ZNF385D: variants seen among roughly 807,000 people sequenced by gnomAD.
ZNF385D encodes the protein zinc finger protein 659.
Under a neutral mutation model 35.8 loss-of-function variants are expected in ZNF385D, and 15 were observed. The ratio of observed to expected loss-of-function variants is 0.42; its 90% CI spans 0.28 to 0.64. The LOEUF is 0.64. Ranked by LOEUF, ZNF385D falls within the 30% of genes least tolerant of loss-of-function variation. The pLI, the probability that ZNF385D is intolerant of heterozygous loss-of-function variation, is 0.23. For synonymous variants in ZNF385D, 212 were observed against 186.8 expected (o/e 1.13, Z -1.10); for missense variants, 474 against 494.6 (o/e 0.96, Z 0.39).
chr3:21,755,793 A>G (rs1488284085), upstream of ZNF385D, among the ~76,000 whole-genome samples: 1 of 152,212 alleles, frequency 6.6e-6, no homozygotes, highest in Non-Finnish European at 1.5e-5. Flanking sequence ...TTTTGAATAA[A>G]TTTAACATCT....
rs530565444 is a variant in ZNF385D at position 21,749,473 on chromosome 3, G to C, written c.22+1422C>G. Among the ~76,000 whole-genome samples the C allele has an allele frequency of 3.9e-5, 6 of 152,228 alleles. No individual in the cohort carries two copies. The South Asian group carries it at 1.2e-3, about 32-fold the overall frequency. ...ATCCTTCAGTATCATTACTGATGCTGAAATTGTATTTTGTCCAAAAGACCT... is the reference window on the plus strand; with the variant it reads ...ATCCTTCAGTATCATTACTGATGCTCAAATTGTATTTTGTCCAAAAGACCT... On this transcript the variant is annotated intron_variant, in intron 1 of 7. Transcript: ENST00000281523.
chr3:21,919,831 T>C (rs1271190546), intron 3 of ZNF385D, among the ~76,000 whole-genome samples: 1 of 152,214 alleles, frequency 6.6e-6, no homozygotes, highest in Non-Finnish European at 1.5e-5. Context: ...GTACAAAATG[T>C]AGAACTGAAT....
At chr3:21,877,816 C>T (rs1219008016) in intron 3 of ZNF385D, 1 of 151,960 alleles carries the variant, frequency 6.6e-6, no homozygotes, top group African/African-American at 2.4e-5. Flanking sequence ...GTAGAGATAT[C>T]TAATCAAAGT....
chr3:22,047,639 A>G (rs965100779), intron 3 of ZNF385D, among the ~76,000 whole-genome samples: 2 of 152,084 alleles, frequency 1.3e-5, no homozygotes, highest in African/African-American at 4.8e-5. Flanking sequence ...TTCTTTATTC[A>G]TTCATCATTG....
chr3:22,347,605 T>C (rs1328651783), intron 2 of ZNF385D, among the ~76,000 whole-genome samples: 2 of 152,168 alleles, frequency 1.3e-5, no homozygotes, highest in African/African-American at 2.4e-5. Context: ...TAAATAAAAA[T>C]AGATTCTCCA....
chr3:21,962,235 T>C (rs1383897917), intron 3 of ZNF385D, among the ~76,000 whole-genome samples: 2 of 151,892 alleles, frequency 1.3e-5, no homozygotes, highest in African/African-American at 2.4e-5. Flanking sequence ...TAAAGAGAAG[T>C]AGAGAAATGA....
rs66691637 is a variant in ZNF385D, at chr3:21,663,890, A to AATATATATATATATATATATATATAT, written c.165+970_165+995dup. 9.9e-3 allele frequency among the ~76,000 whole-genome samples: 637 copies of AATATATATATATATATATATATATAT among 64,062 alleles called. 30 individuals are homozygous for AATATATATATATATATATATATATAT. The highest frequency in any genetic ancestry group is 0.014 in the Non-Finnish European group (449 of 31,772). 42.0% of individuals were successfully genotyped at this position (64,062 alleles called of 152,430 possible). On this transcript the variant is annotated intron_variant, in intron 2 of 7. Coordinates refer to ENST00000281523, the MANE Select transcript of ZNF385D (RefSeq NM_024697.3). The stretch of plus-strand genomic sequence containing the variant: ...TGAAGAATTATTTAATTGTGGGCCG[A>AATATATATATATATATATATATATAT]ATATATATATATATATATATATATA...
intron 3 of ZNF385D, among the ~76,000 whole-genome samples, chr3:21,769,870 T>C (rs2070999722): frequency 6.6e-6 from 1 of 151,306 alleles, no homozygotes; most frequent in Admixed American, 6.6e-5. Context: ...AACAGCATGG[T>C]ACTGGTACCA....
At chr3:21,634,326 G>A (rs1351344981) in intron 2 of ZNF385D, among the ~76,000 whole-genome samples, 1 of 147,800 alleles carries the variant, frequency 6.8e-6, no homozygotes, top group Admixed American at 6.9e-5. Flanking sequence ...AAAGGAAAGA[G>A]GAAGGAAGGG....
chr3:22,315,851 T>C (rs918447174), intron 2 of ZNF385D, among the ~76,000 whole-genome samples: 1 of 152,116 alleles, frequency 6.6e-6, no homozygotes, highest in Admixed American at 6.5e-5. Flanking sequence ...AGAGACTGAA[T>C]CTGCCTTTGT....
intron 3 of ZNF385D, among the ~76,000 whole-genome samples, chr3:21,915,068 AG>A (rs201103163): frequency 4.6e-4 from 10 of 21,698 alleles, no homozygotes; most frequent in African/African-American, 5.4e-4. Flanking sequence ...GAGTAGAAAT[AG>A]AAAAAAAAAA....
At chr3:22,119,543 C>A (rs929659344) in intron 3 of ZNF385D, among the ~76,000 whole-genome samples, 15 of 152,082 alleles carry the variant, frequency 9.9e-5, no homozygotes, top group Non-Finnish European at 1.9e-4. Context: ...TCCATAATGG[C>A]CTTCTCCTCT....
chr3:21,749,089 T>C (rs997224784), intron 1 of ZNF385D, among the ~76,000 whole-genome samples: 2 of 152,206 alleles, frequency 1.3e-5, no homozygotes, highest in Non-Finnish European at 2.9e-5. Flanking sequence ...AAGACAATGT[T>C]CAAGACACTG....
chr3:22,100,662 C>T (rs181507947), intron 3 of ZNF385D, among the ~76,000 whole-genome samples: 38 of 122,376 alleles, frequency 3.1e-4, no homozygotes, highest in African/African-American at 1.2e-3. Context: ...GGAAGGGGAA[C>T]ATCACACTCT....
chr3:21,652,085 C>T (rs1464729537), intron 2 of ZNF385D, among the ~76,000 whole-genome samples: 2 of 152,136 alleles, frequency 1.3e-5, no homozygotes, highest in Middle Eastern at 3.2e-3. Flanking sequence ...TTTACCTTCA[C>T]TGAATGTATA....
intron 1 of ZNF385D, among the ~76,000 whole-genome samples, chr3:21,685,978 T>G (rs1264692569): frequency 6.6e-6 from 1 of 152,044 alleles, no homozygotes. Flanking sequence ...TGGTGAAAAC[T>G]GAGGGGCAGG....
chr3:22,041,085 T>C (rs1487288657), intron 3 of ZNF385D, among the ~76,000 whole-genome samples: 2 of 152,058 alleles, frequency 1.3e-5, no homozygotes, highest in East Asian at 3.9e-4. Context: ...TGTCATTAGG[T>C]CAGTTCTCCC....
intron 2 of ZNF385D, among the ~76,000 whole-genome samples, chr3:22,248,917 C>A (rs953741133): frequency 6.6e-6 from 1 of 152,118 alleles, no homozygotes; most frequent in Non-Finnish European, 1.5e-5. Flanking sequence ...CTTCTCATGA[C>A]CTTCTCTTTC....
At chr3:21,827,734 C>A (rs1575731859) in intron 3 of ZNF385D, among the ~76,000 whole-genome samples, 1 of 152,144 alleles carries the variant, frequency 6.6e-6, no homozygotes, top group Non-Finnish European at 1.5e-5. Context: ...AAGAGTAATT[C>A]TCTCAGGAAT....
Sources: gnomAD v4.1 joint callset for allele counts (sites outside exome capture counted in the v4.1 genomes callset) on GRCh38, gnomAD v4.1.1 for gene constraint, MANE v1.5 for transcripts, NCBI Gene and HGNC (gene_info 2026-07-23, HGNC 2026-07-21) for gene names.